The following SAMD5 variants were observed in gnomAD, a reference collection of about 807,000 sequenced individuals.
SAMD5 encodes sterile alpha motif domain containing 5.
SAMD5 carries 13 observed loss-of-function variants against 11.3 expected under a neutral mutation model. That is an observed-to-expected ratio of 1.15 (90% CI 0.75 to 1.83). The LOEUF is 1.83. Among genes scored for constraint, SAMD5 ranks in the 40% most tolerant of loss-of-function variants. SAMD5 has a pLI of 0.00. For missense variants in SAMD5, 255 were observed against 239.1 expected (o/e 1.07, Z -0.44); for synonymous variants, 129 against 111.3 (o/e 1.16, Z -1.00).
At chr6:147,868,377 G>A in the SAMD5 span, among the ~76,000 whole-genome samples, 1 of 152,208 alleles carries the variant, frequency 6.6e-6, no homozygotes, top group African/African-American at 2.4e-5. Context: ...ACTTGGCCTG[G>A]AAACATTTAT....
At chr6:147,564,325 T>C (rs1237814605) in intron 1 of SAMD5, 69 bp from the exon 2 acceptor site, 2 of 764,400 alleles carry the variant, frequency 2.6e-6, no homozygotes, top group Non-Finnish European at 2.4e-6. Flanking sequence ...GGAGCAGAAA[T>C]CCATGATGGA....
chr6:147,853,914 A>G, the SAMD5 span, among the ~76,000 whole-genome samples: 1 of 152,208 alleles, frequency 6.6e-6, no homozygotes, highest in East Asian at 1.9e-4. Flanking sequence ...TTTAAGTTAC[A>G]TTCCATTATT....
the SAMD5 span, among the ~76,000 whole-genome samples, chr6:147,891,733 A>G: frequency 6.6e-6 from 1 of 152,250 alleles, no homozygotes; most frequent in South Asian, 2.1e-4. Context: ...CTAAGATGAA[A>G]GCTCATCAGC....
At chr6:147,742,783 G>C in the SAMD5 span, among the ~76,000 whole-genome samples, 1 of 152,108 alleles carries the variant, frequency 6.6e-6, no homozygotes, top group South Asian at 2.1e-4. Context: ...GGACAAATGA[G>C]CAACTAAAAA....
intron 1 of SAMD5, among the ~76,000 whole-genome samples, chr6:147,693,140 G>A (rs987295058): frequency 1.3e-5 from 2 of 152,062 alleles, no homozygotes; most frequent in African/African-American, 4.8e-5. Flanking sequence ...CTGCCCCTAT[G>A]AGAGCACGAG....
the SAMD5 span, among the ~76,000 whole-genome samples, chr6:147,781,158 TG>T: frequency 1.0e-4 from 15 of 147,540 alleles, no homozygotes; most frequent in Middle Eastern, 7.0e-3. Context: ...GTTTTGGATT[TG>T]TTTTTTTTTT....
At chr6:147,857,868 G>A in the SAMD5 span, among the ~76,000 whole-genome samples, 1 of 152,204 alleles carries the variant, frequency 6.6e-6, no homozygotes, top group Non-Finnish European at 1.5e-5. Flanking sequence ...TGCCCTTACA[G>A]GCAAGCCCCA....
At chr6:147,709,145 A>G (rs73014073) in intron 1 of SAMD5, among the ~76,000 whole-genome samples, 12,068 of 152,272 alleles carry the variant, frequency 0.079, 512 homozygotes, top group Middle Eastern at 0.13. Context: ...TCTTCAAGAT[A>G]AATAAGTATT....
the SAMD5 span, among the ~76,000 whole-genome samples, chr6:147,793,224 G>A: frequency 2.0e-5 from 3 of 152,072 alleles, no homozygotes; most frequent in African/African-American, 2.4e-5. Context: ...CTTCTATGGC[G>A]CCTTATCCCC....
chr6:147,692,491 A>G (rs1331561805), intron 1 of SAMD5: 1 of 152,182 alleles, frequency 6.6e-6, no homozygotes, highest in Non-Finnish European at 1.5e-5. Context: ...GTCTTTGGTA[A>G]GTCTAGATAA....
intron 1 of SAMD5, among the ~76,000 whole-genome samples, chr6:147,689,537 T>A (rs2128456926): frequency 6.6e-6 from 1 of 152,340 alleles, no homozygotes; most frequent in Non-Finnish European, 1.5e-5. Flanking sequence ...CTGCTAACTC[T>A]TCCCTTTTCC....
chr6:147,590,611 T>A (rs1789438858), intron 1 of SAMD5, among the ~76,000 whole-genome samples: 1 of 152,130 alleles, frequency 6.6e-6, no homozygotes, highest in Non-Finnish European at 1.5e-5. Context: ...CAGGGTTTCA[T>A]CATGTTGCCT....
the SAMD5 span, among the ~76,000 whole-genome samples, chr6:147,814,556 G>C: frequency 6.6e-6 from 1 of 152,074 alleles, no homozygotes; most frequent in African/African-American, 2.4e-5. Context: ...GCTCTCACTG[G>C]GGGAGGAGAG....
At chr6:147,831,228 T>A in the SAMD5 span, among the ~76,000 whole-genome samples, 1 of 152,224 alleles carries the variant, frequency 6.6e-6, no homozygotes, top group Non-Finnish European at 1.5e-5. Context: ...GGAATAAACC[T>A]ATCAAAGCTC....
chr6:147,865,673 C>G, the SAMD5 span, among the ~76,000 whole-genome samples: 1 of 152,014 alleles, frequency 6.6e-6, no homozygotes, highest in African/African-American at 2.4e-5. Flanking sequence ...TCTTGGGGAG[C>G]CATGGATGCC....
chr6:147,800,728 C>G, the SAMD5 span, among the ~76,000 whole-genome samples: 1 of 151,076 alleles, frequency 6.6e-6, no homozygotes, highest in Non-Finnish European at 1.5e-5. Flanking sequence ...TGAATTATTA[C>G]TGTTTTAAAA....
chr6:147,674,708 T>C (rs991698774), intron 1 of SAMD5, among the ~76,000 whole-genome samples: 2 of 152,192 alleles, frequency 1.3e-5, no homozygotes, highest in Non-Finnish European at 2.9e-5. Flanking sequence ...TCTCTTGTTA[T>C]TTTTCGTGTC....
At chr6:147,709,455 T>C (rs536224812) in intron 1 of SAMD5, among the ~76,000 whole-genome samples, 7 of 152,252 alleles carry the variant, frequency 4.6e-5, no homozygotes, top group Non-Finnish European at 7.3e-5. Context: ...AATTAAACCA[T>C]AATCAAATTG....
chr6:147,868,523 C>G, the SAMD5 span, among the ~76,000 whole-genome samples: 310 of 151,932 alleles, frequency 2.0e-3, 4 homozygotes, highest in Middle Eastern at 0.014. Flanking sequence ...ATTGGCAACT[C>G]ATGAAATGTT....
Sources: allele counts gnomAD v4.1 joint callset (sites outside exome capture counted in the v4.1 genomes callset), GRCh38; gene constraint gnomAD v4.1.1; transcripts MANE v1.5; gene names NCBI Gene and HGNC (gene_info 2026-07-23, HGNC 2026-07-21).